The following DPYD variants were observed in gnomAD, a reference collection of about 807,000 sequenced individuals.
DPYD encodes dihydropyrimidine dehydrogenase.
Under a neutral mutation model 116.2 loss-of-function variants are expected in DPYD, and 109 were observed. The observed-to-expected ratio is 0.94, with a 90% CI of 0.80 to 1.10. The LOEUF (loss-of-function observed/expected upper bound fraction) is 1.10, where lower values mean the gene tolerates loss of function less well. Ranked by LOEUF, DPYD falls within the 50% of genes least tolerant of loss-of-function variation. The pLI, the probability that DPYD is intolerant of heterozygous loss-of-function variation, is 0.00. For missense variants in DPYD, 1,302 were observed against 1,254.5 expected (o/e 1.04, Z -0.57); for synonymous variants, 440 against 432.0 (o/e 1.02, Z -0.23).
intron 18 of DPYD, among the ~76,000 whole-genome samples, chr1:97,261,221 T>G (rs1663852713): frequency 6.6e-6 from 1 of 152,066 alleles, no homozygotes; most frequent in Non-Finnish European, 1.5e-5. Context: ...CAGAAAAGGC[T>G]TTTAATATAA....
chr1:97,443,341 G>A (rs534481939), intron 14 of DPYD, among the ~76,000 whole-genome samples: 15 of 152,212 alleles, frequency 9.9e-5, no homozygotes, highest in African/African-American at 3.6e-4. Flanking sequence ...AAAGGAGGAT[G>A]GGATGTAAGT....
At chr1:97,239,033 C>T (rs1008336393) in intron 18 of DPYD, among the ~76,000 whole-genome samples, 5 of 152,174 alleles carry the variant, frequency 3.3e-5, no homozygotes, top group East Asian at 1.9e-4. Context: ...TGCAACATTG[C>T]TACCAAGAAC....
chr1:97,440,264 CAAA>C (rs200527485), intron 14 of DPYD, among the ~76,000 whole-genome samples: 2 of 116,062 alleles, frequency 1.7e-5, no homozygotes, highest in Admixed American at 8.9e-5. Context: ...AACTCCCTCT[CAAA>C]AAAAAAAAAA....
intron 3 of DPYD, among the ~76,000 whole-genome samples, chr1:97,773,734 C>A (rs1047007642): frequency 6.6e-6 from 1 of 152,168 alleles, no homozygotes; most frequent in Non-Finnish European, 1.5e-5. Context: ...TGGAGAAGAG[C>A]CCAGCCACTG....
chr1:97,630,263 T>G (rs2100792063), intron 8 of DPYD, among the ~76,000 whole-genome samples: 1 of 152,224 alleles, frequency 6.6e-6, no homozygotes, highest in South Asian at 2.1e-4. Flanking sequence ...GCCCTAAAGT[T>G]TTCTGTGCAA....
At chr1:97,563,026 T>A (rs1018134076) in intron 11 of DPYD, among the ~76,000 whole-genome samples, 1 of 152,150 alleles carries the variant, frequency 6.6e-6, no homozygotes, top group Non-Finnish European at 1.5e-5. Context: ...GCCAAATATC[T>A]AATTTAACCA....
intron 16 of DPYD, among the ~76,000 whole-genome samples, chr1:97,334,531 A>G (rs1369214349): frequency 6.6e-6 from 1 of 152,238 alleles, no homozygotes; most frequent in Non-Finnish European, 1.5e-5. Flanking sequence ...GTCTGTGACC[A>G]TAAGTCGCTT....
chr1:97,674,658 TAA>T (rs547677002), intron 8 of DPYD, among the ~76,000 whole-genome samples: 3 of 141,692 alleles, frequency 2.1e-5, no homozygotes, highest in African/African-American at 2.6e-5. Context: ...CACAGAACTT[TAA>T]AAAAAAAAAA....
intron 8 of DPYD, among the ~76,000 whole-genome samples, chr1:97,633,651 A>T (rs1657400912): frequency 6.6e-6 from 1 of 152,124 alleles, no homozygotes; most frequent in African/African-American, 2.4e-5. Flanking sequence ...TTAAACTAAC[A>T]AAAGCTAGGT....
Position 97,128,199 on chromosome 1 carries a change from C to T in DPYD, c.2623-29567G>A, listed in dbSNP as rs189706154. ...AAGGAATTGCAAACAAGATGCAATG[C>T]AATAAGTTTTCTCACCCCAAAATAT... On this transcript the variant is annotated intron_variant, in intron 20 of 22. Transcript: ENST00000370192. 2.6e-5 allele frequency among the ~76,000 whole-genome samples: 4 copies of T among 152,252 alleles called. No homozygotes were observed. The East Asian group carries it at 7.7e-4, about 29-fold the overall frequency.
intron 2 of DPYD, among the ~76,000 whole-genome samples, chr1:97,877,476 G>A (rs1164773556): frequency 1.3e-5 from 2 of 152,008 alleles, no homozygotes; most frequent in African/African-American, 2.4e-5. Context: ...AAGAGGTCAC[G>A]TGACTTGCAT....
At chr1:97,687,885 A>G (rs200884931) in intron 7 of DPYD, among the ~76,000 whole-genome samples, 1 of 152,196 alleles carries the variant, frequency 6.6e-6, no homozygotes, top group Non-Finnish European at 1.5e-5. Context: ...ATGGAAAACC[A>G]AACACTGCAT....
At chr1:97,205,107 A>G (rs1350996395) in intron 19 of DPYD, among the ~76,000 whole-genome samples, 2 of 152,142 alleles carry the variant, frequency 1.3e-5, no homozygotes, top group Admixed American at 6.6e-5. Flanking sequence ...CATTATTAAT[A>G]TCTTGCATTA....
intron 8 of DPYD, among the ~76,000 whole-genome samples, chr1:97,647,310 T>C (rs1658322148): frequency 6.6e-6 from 1 of 152,036 alleles, no homozygotes; most frequent in Admixed American, 6.6e-5. Flanking sequence ...ATAAGTAATC[T>C]TATATTTGGT....
chr1:97,595,479 C>T (rs1029322518), intron 8 of DPYD, among the ~76,000 whole-genome samples: 2 of 151,422 alleles, frequency 1.3e-5, no homozygotes, highest in Non-Finnish European at 2.9e-5. Flanking sequence ...ATATTCTTGC[C>T]TCATATCATA....
chr1:97,401,607 C>A (rs371749299), intron 14 of DPYD, among the ~76,000 whole-genome samples: 7 of 152,204 alleles, frequency 4.6e-5, no homozygotes, highest in Middle Eastern at 3.4e-3. Context: ...AGCCACTGCG[C>A]CCAGCCAGAG....
chr1:97,192,335 T>A (rs935136813), intron 20 of DPYD, among the ~76,000 whole-genome samples: 29 of 151,204 alleles, frequency 1.9e-4, no homozygotes, highest in Admixed American at 1.5e-3. Context: ...AATCTTTTTA[T>A]ACTGCCTCTC....
intron 13 of DPYD, among the ~76,000 whole-genome samples, chr1:97,500,738 A>G (rs552674087): frequency 3.9e-4 from 60 of 152,216 alleles, no homozygotes; most frequent in African/African-American, 1.4e-3. Context: ...TCAATTGCTC[A>G]CTGCAGAATA....
intron 6 of DPYD, among the ~76,000 whole-genome samples, chr1:97,695,476 T>C (rs1186893282): frequency 6.6e-6 from 1 of 150,776 alleles, no homozygotes; most frequent in Non-Finnish European, 1.5e-5. Flanking sequence ...TATTGTTCGT[T>C]TATTGTCTGT....
Sources: gnomAD v4.1 joint callset for allele counts (sites outside exome capture counted in the v4.1 genomes callset) on GRCh38, gnomAD v4.1.1 for gene constraint, MANE v1.5 for transcripts, NCBI Gene and HGNC (gene_info 2026-07-23, HGNC 2026-07-21) for gene names.